Variants in EIF4E2 observed in about 807,000 individuals in gnomAD.
The protein encoded by EIF4E2 is eukaryotic translation initiation factor 4E family member 2, also known as eukaryotic translation initiation factor 4E type 2.
EIF4E2 carries 13 observed loss-of-function variants against 34.2 expected under a neutral mutation model. The ratio of observed to expected loss-of-function variants is 0.38; its 90% CI spans 0.25 to 0.60. The LOEUF (loss-of-function observed/expected upper bound fraction) is 0.60. Ranked by LOEUF, EIF4E2 falls within the 20% of genes least tolerant of loss-of-function variation. The probability of loss-of-function intolerance (pLI) is 0.62; values close to 1 mark genes in which losing one functional copy is unlikely to be tolerated. For synonymous variants in EIF4E2, 100 were observed against 106.6 expected (o/e 0.94, Z 0.38); for missense variants, 222 against 315.1 (o/e 0.70, Z 2.24).
chr2:232,582,793 T>A (rs550759551), exon 7 of EIF4E2: 1 of 151,026 alleles, frequency 6.6e-6, no homozygotes, highest in Admixed American at 6.6e-5. Flanking sequence ...AGGTGTGTTG[T>A]CCATAGTTTT....
downstream of EIF4E2, among the ~76,000 whole-genome samples, chr2:232,571,208 G>C (rs1365907120): frequency 6.6e-6 from 1 of 152,206 alleles, no homozygotes; most frequent in African/African-American, 2.4e-5. Flanking sequence ...GGCACTGCCT[G>C]CCGCACAGAG....
At chr2:232,568,281 T>A in intron 6 of EIF4E2, 1 of 985,140 alleles carries the variant, frequency 1.0e-6, no homozygotes, top group Non-Finnish European at 1.2e-6. Flanking sequence ...TAATGTGGAG[T>A]GGAGTTGGCT....
Position 232,569,129 on chromosome 2 carries a change from G to C in EIF4E2, c.*112G>C. On this transcript the variant is annotated 3_prime_UTR_variant, in exon 7 of 7. Transcript: ENST00000258416. ...CTGTCCTGGACAAGAGGAATTGGAA[G>C]AGCATTTTATGTTTTAAGAACAGGC... is the stretch of plus-strand genomic sequence containing the variant. 1 of 1,513,606 alleles carries C rather than the reference G, an allele frequency of 6.6e-7. No homozygotes were observed. The highest frequency in any genetic ancestry group is 8.9e-7 in the Non-Finnish European group (1 of 1,129,364). 93.8% of individuals were successfully genotyped at this position (1,513,606 alleles called of 1,614,324 possible). A position where few individuals can be genotyped will look rare whatever the true frequency, so the allele number is the denominator to read the frequency against.
At chr2:232,574,761 G>C (rs768539923) in intron 6 of EIF4E2, among the ~76,000 whole-genome samples, 1 of 152,198 alleles carries the variant, frequency 6.6e-6, no homozygotes, top group Admixed American at 6.5e-5. Flanking sequence ...CTGTTTGCTG[G>C]TGTCATGTGT....
rs566609450 is a variant in EIF4E2 at position 232,576,688 on chromosome 2, A to AG, written c.666-4215dup. Among the ~76,000 whole-genome samples, 441 of 152,348 alleles carry AG rather than the reference A, an allele frequency of 2.9e-3. 2 individuals are homozygous for AG. The highest frequency in any genetic ancestry group is 9.8e-3 in the African/African-American group (406 of 41,586). Reference sequence around the variant, plus strand: ...AATCCACTCACTTCATTGTCTTAATAGACTTGAAAAGGACTTCATGTCGCA... The same window carrying AG: ...AATCCACTCACTTCATTGTCTTAATAGGACTTGAAAAGGACTTCATGTCGCA... On this transcript the variant is annotated intron_variant, in intron 6 of 6. Transcript: ENST00000409098.
intron 6 of EIF4E2, chr2:232,567,929 A>G: frequency 1.0e-6 from 1 of 983,472 alleles, no homozygotes; most frequent in Non-Finnish European, 1.2e-6. Context: ...AGGGAGAGCT[A>G]GCCAGCTAAG....
rs542402856 is a variant in EIF4E2, at chr2:232,576,772, T to C, written c.666-4132T>C. On this transcript the variant is annotated intron_variant, in intron 6 of 6. Transcript: ENST00000409098. ...AGATGTTCGAGAAGATATGCATCCCTGGCTTACGTTTGTTGGGTCTGCCAT... is the reference window on the plus strand; with the variant it reads ...AGATGTTCGAGAAGATATGCATCCCCGGCTTACGTTTGTTGGGTCTGCCAT... Among the ~76,000 whole-genome samples the C allele has an allele frequency of 5.3e-5, 8 of 152,364 alleles. No individual in the cohort carries two copies. The East Asian group carries it at 5.8e-4, about 11-fold the overall frequency.
At chr2:232,575,518 T>A (rs974560225) in intron 6 of EIF4E2, among the ~76,000 whole-genome samples, 1 of 152,226 alleles carries the variant, frequency 6.6e-6, no homozygotes, top group Non-Finnish European at 1.5e-5. Flanking sequence ...TCCCAGCTAC[T>A]TGGAGGCTGT....
chr2:232,555,162 A>G (rs1187454187), intron 1 of EIF4E2, among the ~76,000 whole-genome samples: 2 of 152,220 alleles, frequency 1.3e-5, no homozygotes, highest in Non-Finnish European at 2.9e-5. Flanking sequence ...CCAGACCACA[A>G]ATACAAAGTA....
intron 1 of EIF4E2, chr2:232,551,023 G>A (rs189092737): frequency 3.2e-6 from 2 of 618,002 alleles, no homozygotes; most frequent in African/African-American, 1.8e-5. Flanking sequence ...CGGACGCCCC[G>A]CCCTGGTGGA....
chr2:232,564,900 G>A (rs960080379), intron 4 of EIF4E2, among the ~76,000 whole-genome samples: 7 of 152,204 alleles, frequency 4.6e-5, no homozygotes, highest in African/African-American at 9.6e-5. Flanking sequence ...GACTAAAATG[G>A]TATTAGAACA....
intron 1 of EIF4E2, among the ~76,000 whole-genome samples, chr2:232,555,651 C>T (rs924408581): frequency 2.0e-5 from 3 of 152,144 alleles, no homozygotes; most frequent in African/African-American, 7.2e-5. Flanking sequence ...GGAACTCTCT[C>T]TCTAGTAGGG....
At chr2:232,575,416 TA>T (rs1693187865) in intron 6 of EIF4E2, among the ~76,000 whole-genome samples, 1 of 152,238 alleles carries the variant, frequency 6.6e-6, no homozygotes, top group Non-Finnish European at 1.5e-5. Flanking sequence ...TTCTTTATTA[TA>T]AATTCAGTCT....
At position 232,568,449 on chromosome 2, in the gene EIF4E2, C is replaced by G. The variant is rs1342195679; in HGVS notation, c.666-496C>G. 4.1e-6 allele frequency: 4 copies of G among 985,266 alleles called. No individual in the cohort carries two copies. The East Asian group carries it at 4.6e-4, about 112-fold the overall frequency. The allele number at this position is 985,266 out of a possible 1,614,324, so 61.0% of individuals were successfully genotyped here. On this transcript the variant is annotated intron_variant, in intron 6 of 6. Coordinates refer to ENST00000258416, the MANE Select transcript of EIF4E2 (RefSeq NM_004846.4). ...AGTCCTGTGTTAGCATTGCTTTACT[C>G]TGGGCACATTTTTCTTATTCTCTAT...
At chr2:232,559,219 T>TA (rs1553582294) in intron 3 of EIF4E2, among the ~76,000 whole-genome samples, 790 of 66,918 alleles carry the variant, frequency 0.012, 6 homozygotes, top group African/African-American at 0.044. Flanking sequence ...ACTTAAAGTA[T>TA]AAAAAAAAAA....
chr2:232,553,421 A>AT (rs55815721), intron 1 of EIF4E2, among the ~76,000 whole-genome samples: 25 of 151,856 alleles, frequency 1.6e-4, no homozygotes, highest in East Asian at 5.8e-4. Flanking sequence ...TTAAACGGAG[A>AT]TTTTTTTTTA....
chr2:232,563,565 C>T (rs1550097), intron 3 of EIF4E2, among the ~76,000 whole-genome samples: 46,208 of 152,028 alleles, frequency 0.3, 7,546 homozygotes, highest in Admixed American at 0.41. Context: ...GGCCTTAAAC[C>T]CTAGCTATGA....
chr2:232,575,558 C>T (rs1271927948), intron 6 of EIF4E2, among the ~76,000 whole-genome samples: 2 of 152,162 alleles, frequency 1.3e-5, no homozygotes, highest in Non-Finnish European at 2.9e-5. Flanking sequence ...CCCAGGAGTT[C>T]AAGGCCAGCC....
At chr2:232,567,634 C>T (rs1692981455) in intron 6 of EIF4E2, 1 of 1,075,374 alleles carries the variant, frequency 9.3e-7, no homozygotes, top group Non-Finnish European at 1.1e-6. Flanking sequence ...TTTCTTTGTC[C>T]TGGGATACTG....
Sources: gnomAD v4.1 joint callset for allele counts (sites outside exome capture counted in the v4.1 genomes callset) on GRCh38, gnomAD v4.1.1 for gene constraint, MANE v1.5 for transcripts, NCBI Gene and HGNC (gene_info 2026-07-23, HGNC 2026-07-21) for gene names.